RAD51AP2: variants seen among roughly 807,000 people sequenced by gnomAD.
The protein encoded by RAD51AP2 is RAD51 associated protein 2.
A neutral mutation model predicts 85.5 loss-of-function variants in RAD51AP2; 67 were observed. That is an observed-to-expected ratio of 0.78 (90% CI 0.64 to 0.96). The LOEUF is 0.96. Ranked by LOEUF, RAD51AP2 falls within the 40% of genes least tolerant of loss-of-function variation. The probability of loss-of-function intolerance (pLI) is 0.00; values close to 1 mark genes in which losing one functional copy is unlikely to be tolerated. For missense variants in RAD51AP2, 1,307 were observed against 1,332.4 expected, an observed-to-expected ratio of 0.98 and a Z score of 0.30; for synonymous variants, 474 against 446.5, an observed-to-expected ratio of 1.06 and a Z score of -0.78.
chr2:17,514,714 G>C (rs1254364285), intron 1 of RAD51AP2, among the ~76,000 whole-genome samples: 1 of 152,078 alleles, frequency 6.6e-6, no homozygotes, highest in Non-Finnish European at 1.5e-5. Flanking sequence ...AGGTTACAGT[G>C]AGCCGAGATT....
In RAD51AP2 at chr2:17,518,306, C is replaced by CA. The variant is rs778310905; in HGVS notation, c.109dup (p.Cys37LeufsTer3). 1.9e-6 allele frequency: 3 copies of CA among 1,614,142 alleles called. No homozygotes were observed. The South Asian group carries it at 3.3e-5, about 18-fold the overall frequency. The stretch of plus-strand genomic sequence containing the variant: ...AAAGACACCTCCAGGCTCCTCAAGA[C>CA]AGAGCCGCTTGCTACTAGGTGGTTG... On this transcript the variant is annotated frameshift_variant, in exon 1 of 3. Transcript: ENST00000399080. LOFTEE classifies it high-confidence loss of function.
rs749326023 is a variant in RAD51AP2 at position 17,510,768 on chromosome 2, T to C, written c.*36A>G. The C allele has an allele frequency of 1.6e-5, 22 of 1,413,206 alleles. No homozygotes were observed. The Admixed American group carries it at 3.5e-4, about 23-fold the overall frequency. The allele number at this position is 1,413,206 out of a possible 1,614,324, so 87.5% of individuals were successfully genotyped here. The stretch of plus-strand genomic sequence containing the variant: ...ACATATATCCAAAGAAAACAAAACA[T>C]TTCTAGATGTTGTAAAATGTTTTGA... On this transcript the variant is annotated 3_prime_UTR_variant, in exon 3 of 3. Coordinates refer to ENST00000399080, the MANE Select transcript of RAD51AP2 (RefSeq NM_001099218.3).
chr2:17,515,372 T>A lies in RAD51AP2; in HGVS notation c.3044A>T (p.Lys1015Ile). The A allele has an allele frequency of 6.2e-7, 1 of 1,611,684 alleles. No homozygotes were observed. The highest frequency in any genetic ancestry group is 1.1e-5 in the South Asian group (1 of 90,144). Residue 1015 changes from lysine to isoleucine, a missense_variant, in exon 1 of 3, where the codon AAA becomes ATA. Transcript: ENST00000399080. Reference sequence around the variant, plus strand: ...GTTGACCACAACCATTTTCAAATCTTTTTCTATCTCCATTTTTACCTTCTC... The same window carrying A: ...GTTGACCACAACCATTTTCAAATCTATTTCTATCTCCATTTTTACCTTCTC... ...DAEKVKMEIE[K>I]DLKMVVVNKI...
chr2:17,533,416 T>C, the RAD51AP2 span, among the ~76,000 whole-genome samples: 1 of 152,230 alleles, frequency 6.6e-6, no homozygotes, highest in Non-Finnish European at 1.5e-5. Context: ...TGACTTTACC[T>C]TCTCCAATAT....
chr2:17,514,157 A>G (rs1351500053), intron 1 of RAD51AP2, 65 bp from the exon 2 acceptor site: 3 of 894,144 alleles, frequency 3.4e-6, no homozygotes, highest in Non-Finnish European at 3.5e-6. Context: ...AATGGTATAA[A>G]CAAATTATAT....
chr2:17,531,955 C>T, the RAD51AP2 span, among the ~76,000 whole-genome samples: 1 of 151,850 alleles, frequency 6.6e-6, no homozygotes, highest in East Asian at 1.9e-4. Flanking sequence ...GTAATTTGCC[C>T]AAGACCACAT....
In RAD51AP2 at chr2:17,517,768, A is replaced by C. The variant is rs1234924225; in HGVS notation, c.648T>G (p.Ser216Arg). ...TTTCTCTTTTATTTGATGGCACAAC[A>C]CTGTTAGCTTTACATCTGTTCTTAA... is the stretch of plus-strand genomic sequence containing the variant. The part of the protein sequence containing the change: ...HEIKNRCKAN[S>R]VVPSNKRENN... The change falls in exon 1 of 3, where the codon AGT (serine) becomes AGG (arginine). Residue 216 changes from serine (S) to arginine (R), a missense_variant. Physicochemically the swap from Ser to Arg is moderately radical, Grantham distance 110. Around this residue, in one of 3 missense-constraint regions of RAD51AP2, gnomAD observed 635 missense variants for 643.6 expected, o/e 0.99. Coordinates refer to ENST00000399080, the MANE Select transcript of RAD51AP2 (RefSeq NM_001099218.3). 1 of 1,613,950 alleles carries C rather than the reference A, an allele frequency of 6.2e-7. No individual in the cohort carries two copies. The highest frequency in any genetic ancestry group is 8.5e-7 in the Non-Finnish European group (1 of 1,179,852).
intron 2 of RAD51AP2, among the ~76,000 whole-genome samples, chr2:17,513,714 T>C (rs932063117): frequency 1.3e-5 from 2 of 152,194 alleles, no homozygotes; most frequent in African/African-American, 4.8e-5. Flanking sequence ...CACATCTCTA[T>C]TAGATGTGTA....
chr2:17,514,133 T>C, intron 1 of RAD51AP2, 41 bp from the exon 2 acceptor site: 2 of 1,053,212 alleles, frequency 1.9e-6, no homozygotes, highest in Non-Finnish European at 1.4e-6. Context: ...AAAGTAACTT[T>C]TATATAAAAT....
At chr2:17,526,082 G>T in the RAD51AP2 span, among the ~76,000 whole-genome samples, 1 of 151,688 alleles carries the variant, frequency 6.6e-6, no homozygotes, top group Non-Finnish European at 1.5e-5. Flanking sequence ...TATTATATAT[G>T]TAATGTATAA....
upstream of RAD51AP2, among the ~76,000 whole-genome samples, chr2:17,518,711 C>A (rs1662786765): frequency 1.3e-5 from 2 of 151,884 alleles, no homozygotes; most frequent in Non-Finnish European, 2.9e-5. Flanking sequence ...TTTCTAATGC[C>A]ACGACTGTAG....
intron 2 of RAD51AP2, among the ~76,000 whole-genome samples, chr2:17,511,295 A>AT (rs1378810138): frequency 2.0e-5 from 3 of 152,032 alleles, no homozygotes; most frequent in African/African-American, 4.8e-5. Context: ...ACACCAGGTC[A>AT]TTTTTTCTAT....
intron 2 of RAD51AP2, among the ~76,000 whole-genome samples, chr2:17,511,947 A>T (rs779746549): frequency 7.2e-5 from 11 of 152,220 alleles, no homozygotes; most frequent in Non-Finnish European, 1.5e-4. Flanking sequence ...AGATCTTTTA[A>T]AAACTTTGAA....
At chr2:17,514,889 A>C (rs373359961) in intron 1 of RAD51AP2, among the ~76,000 whole-genome samples, 9 of 152,280 alleles carry the variant, frequency 5.9e-5, no homozygotes, top group African/African-American at 2.2e-4. Context: ...TGTGGAATTA[A>C]CAATGTAACT....
In RAD51AP2 at chr2:17,517,930, G is replaced by C. The variant is rs747191476; in HGVS notation, c.486C>G (p.Thr162=). 4 of 1,614,104 alleles carry C rather than the reference G, an allele frequency of 2.5e-6. No homozygotes were observed. In the East Asian group the frequency reaches 8.9e-5, roughly 36 times the overall value. Residue 162 remains threonine, a synonymous_variant, in exon 1 of 3, where the codon ACC becomes ACG. Coordinates refer to ENST00000399080, the MANE Select transcript of RAD51AP2 (RefSeq NM_001099218.3). ...KAGVSQLLPS[T]SIHDIHGIRN... ...TAATTCCATGTATATCGTGTATAGAGGTGCTGGGCAGAAGTTGACTAACCC... is the reference window on the plus strand; with the variant it reads ...TAATTCCATGTATATCGTGTATAGACGTGCTGGGCAGAAGTTGACTAACCC...
chr2:17,516,809 A>C lies in RAD51AP2; in HGVS notation c.1607T>G (p.Leu536Trp). ...DNSILTCCNI[L>W]KCKKQIGIIG... ...TATACCAATTTGCTTTTTACACTTC[A>C]AAATGTTACAGCAGGTTAAAATACT... Residue 536 changes from leucine (L) to tryptophan (W), a missense_variant, in exon 1 of 3, where the codon TTG (leucine) becomes TGG (tryptophan). Physicochemically the swap from Leu to Trp is moderately conservative, Grantham distance 61 (BLOSUM62 -2). Coordinates refer to ENST00000399080, the MANE Select transcript of RAD51AP2 (RefSeq NM_001099218.3). 6.4e-7 allele frequency: 1 copy of C among 1,551,618 alleles called. No homozygotes were observed. Among genetic ancestry groups the C allele is most frequent in the Non-Finnish European group, 8.7e-7 (1 of 1,146,764 alleles).
chr2:17,525,007 G>T, the RAD51AP2 span, among the ~76,000 whole-genome samples: 1 of 151,718 alleles, frequency 6.6e-6, no homozygotes, highest in East Asian at 1.9e-4. Context: ...TTTTGTCAGA[G>T]ACAAAGAAAG....
the RAD51AP2 span, among the ~76,000 whole-genome samples, chr2:17,537,324 C>T: frequency 2.6e-5 from 4 of 151,700 alleles, no homozygotes; most frequent in African/African-American, 9.7e-5. Context: ...CCCTGTCTCT[C>T]TCAGAAAAAC....
upstream of RAD51AP2, chr2:17,518,544 T>A: frequency 1.6e-6 from 2 of 1,236,454 alleles, no homozygotes. Context: ...TCTCAGGGTT[T>A]GCCCCACCCC....
Sources: gnomAD v4.1 joint callset for allele counts (sites outside exome capture counted in the v4.1 genomes callset) on GRCh38, gnomAD v4.1.1 for gene constraint, gnomAD v4.1.1 regional missense constraint, MANE v1.5 for transcripts, NCBI Gene and HGNC (gene_info 2026-07-23, HGNC 2026-07-21) for gene names.